Variants in DNAH8 observed in about 807,000 individuals in gnomAD.
DNAH8 encodes dynein axonemal heavy chain 8.
Under a neutral mutation model 562.1 loss-of-function variants are expected in DNAH8, and 382 were observed. That is an observed-to-expected ratio of 0.68 (90% confidence interval 0.63 to 0.74). DNAH8 has a LOEUF of 0.74. DNAH8 is among the 30% of genes least tolerant of loss of function. DNAH8 has a pLI of 0.00. For synonymous variants in DNAH8, 1,881 were observed against 1,919.4 expected (o/e 0.98, Z 0.52); for missense variants, 5,203 against 5,620.4 (o/e 0.93, Z 2.37).
At chr6:38,905,799 A>G (rs974633498) in intron 62 of DNAH8, among the ~76,000 whole-genome samples, 2 of 152,192 alleles carry the variant, frequency 1.3e-5, no homozygotes, top group African/African-American at 2.4e-5. Context: ...AGCAGGCACC[A>G]TTACTTAGTA....
At chr6:38,815,210 C>A (rs1159785483) in intron 25 of DNAH8, among the ~76,000 whole-genome samples, 2 of 152,162 alleles carry the variant, frequency 1.3e-5, no homozygotes, top group African/African-American at 4.8e-5. Context: ...ATCAAAATGT[C>A]ATTTCTATCT....
chr6:38,808,099 T>A (rs907032475), intron 24 of DNAH8, among the ~76,000 whole-genome samples: 4 of 152,248 alleles, frequency 2.6e-5, no homozygotes, highest in African/African-American at 9.6e-5. Flanking sequence ...TTTTTGAGAT[T>A]CATCCATGGG....
At chr6:38,964,499 G>A (rs1233405125) in intron 82 of DNAH8, among the ~76,000 whole-genome samples, 2 of 150,796 alleles carry the variant, frequency 1.3e-5, no homozygotes, top group Admixed American at 6.6e-5. Context: ...ATGTTTGAAT[G>A]CTGTATCCAA....
intron 12 of DNAH8, 152 bp downstream of exon 12, chr6:38,770,711 A>G (rs1767483225): frequency 2.9e-6 from 2 of 692,868 alleles, no homozygotes; most frequent in South Asian, 9.1e-5. Flanking sequence ...ACTGCATTTT[A>G]TTATAACTTA....
intron 23 of DNAH8, among the ~76,000 whole-genome samples, chr6:38,806,792 AAT>A (rs1281832042): frequency 1.8e-3 from 140 of 76,434 alleles, no homozygotes; most frequent in Middle Eastern, 6.3e-3. Flanking sequence ...AAAAAAAAAT[AAT>A]AATAATAATA....
intron 82 of DNAH8, among the ~76,000 whole-genome samples, chr6:38,954,915 T>G (rs903019971): frequency 2.6e-5 from 4 of 152,160 alleles, no homozygotes; most frequent in Admixed American, 1.3e-4. Flanking sequence ...CTTTAAAACT[T>G]TCAAGGACTC....
chr6:38,843,717 G>A (rs1053548557), intron 35 of DNAH8, among the ~76,000 whole-genome samples: 7 of 151,892 alleles, frequency 4.6e-5, no homozygotes, highest in African/African-American at 1.7e-4. Context: ...TTTTTATGTT[G>A]GCTATCCTCT....
At chr6:38,734,219 G>A (rs76571067) in intron 4 of DNAH8, among the ~76,000 whole-genome samples, 2,927 of 151,512 alleles carry the variant, frequency 0.019, 89 homozygotes, top group African/African-American at 0.067. Context: ...GGGAGGTGGA[G>A]GTTGCAGTGA....
At chr6:38,803,342 C>T in intron 22 of DNAH8, 31 bp downstream of exon 22, 1 of 1,565,748 alleles carries the variant, frequency 6.4e-7, no homozygotes, top group East Asian at 2.3e-5. Flanking sequence ...GTTTGAATTA[C>T]AAGATCTACA....
At chr6:38,917,160 T>G in intron 68 of DNAH8, 79 bp from the exon 69 acceptor site, 1 of 1,009,072 alleles carries the variant, frequency 9.9e-7, no homozygotes, top group Non-Finnish European at 1.4e-6. Flanking sequence ...CTATCTTAAT[T>G]ATTGAAAAGT....
At chr6:38,860,873 G>A (rs1050692813) in intron 43 of DNAH8, among the ~76,000 whole-genome samples, 1 of 152,166 alleles carries the variant, frequency 6.6e-6, no homozygotes, top group Non-Finnish European at 1.5e-5. Context: ...ATTTAATGGT[G>A]AATTTTAGAT....
chr6:38,869,737 A>G (rs559829604), intron 48 of DNAH8, among the ~76,000 whole-genome samples: 22 of 152,306 alleles, frequency 1.4e-4, no homozygotes, highest in African/African-American at 4.6e-4. Flanking sequence ...TGGGACTACA[A>G]ATTATCATTT....
At chr6:38,772,338 AT>A (rs1767660439) in intron 12 of DNAH8, among the ~76,000 whole-genome samples, 1 of 151,910 alleles carries the variant, frequency 6.6e-6, no homozygotes, top group South Asian at 2.1e-4. Context: ...GAGGTTTATG[AT>A]TTCTTCATAT....
intron 88 of DNAH8, among the ~76,000 whole-genome samples, chr6:38,999,756 A>G (rs12190209): frequency 0.098 from 14,830 of 151,260 alleles, 867 homozygotes; most frequent in Admixed American, 0.19. Context: ...ATTGTCAAAG[A>G]CTCAAGAAGA....
intron 3 of DNAH8, among the ~76,000 whole-genome samples, chr6:38,725,460 T>C (rs1342197667): frequency 6.6e-6 from 1 of 152,114 alleles, no homozygotes; most frequent in Non-Finnish European, 1.5e-5. Flanking sequence ...ATGAATGGGA[T>C]TGCTCATTTT....
chr6:38,717,298 G>C (rs78452880), intron 1 of DNAH8, among the ~76,000 whole-genome samples: 1 of 152,090 alleles, frequency 6.6e-6, no homozygotes, highest in Non-Finnish European at 1.5e-5. Flanking sequence ...GAATGCTTGG[G>C]GGTAGATTCG....
At chr6:38,745,089 C>T (rs923485609) in intron 8 of DNAH8, among the ~76,000 whole-genome samples, 5 of 152,146 alleles carry the variant, frequency 3.3e-5, no homozygotes, top group African/African-American at 9.7e-5. Context: ...GGTCAGTTCA[C>T]GTGTCCCCCA....
intron 35 of DNAH8, among the ~76,000 whole-genome samples, chr6:38,843,904 C>T (rs1302561555): frequency 1.3e-5 from 2 of 152,106 alleles, no homozygotes; most frequent in African/African-American, 4.8e-5. Flanking sequence ...CTACACTGTC[C>T]ATGTCCCCTC....
At chr6:38,805,909 T>C (rs1771231810) in intron 23 of DNAH8, among the ~76,000 whole-genome samples, 1 of 152,234 alleles carries the variant, frequency 6.6e-6, no homozygotes, top group African/African-American at 2.4e-5. Context: ...TGACTCAGAA[T>C]GGAGAACTTT....
Sources: gnomAD v4.1 joint callset for allele counts (sites outside exome capture counted in the v4.1 genomes callset) on GRCh38, gnomAD v4.1.1 for gene constraint, MANE v1.5 for transcripts, NCBI Gene and HGNC (gene_info 2026-07-23, HGNC 2026-07-21) for gene names.